CNTNAP5: variants seen among roughly 807,000 people sequenced by gnomAD.
The protein encoded by CNTNAP5 is contactin-associated protein-like 5.
CNTNAP5 carries 72 observed loss-of-function variants against 150.2 expected under a neutral mutation model. The observed-to-expected ratio is 0.48, with a 90% CI of 0.40 to 0.58. The LOEUF is 0.58. Ranked by LOEUF, CNTNAP5 falls within the 20% of genes least tolerant of loss-of-function variation. The pLI is 0.00. For missense variants in CNTNAP5, 1,636 were observed against 1,626.2 expected (o/e 1.01, Z -0.10); for synonymous variants, 672 against 619.8 (o/e 1.08, Z -1.25).
intron 10 of CNTNAP5, among the ~76,000 whole-genome samples, chr2:124,533,100 A>G (rs1573441401): frequency 6.6e-6 from 1 of 151,458 alleles, no homozygotes; most frequent in Admixed American, 6.6e-5. Context: ...TTTTCAGAAG[A>G]CCTGCCATGG....
intron 1 of CNTNAP5, among the ~76,000 whole-genome samples, chr2:124,055,090 A>C (rs1382606679): frequency 6.6e-6 from 1 of 152,202 alleles, no homozygotes; most frequent in Admixed American, 6.5e-5. Context: ...AAGATTACAC[A>C]TACTGTATGT....
intron 11 of CNTNAP5, among the ~76,000 whole-genome samples, chr2:124,605,804 T>C (rs1697091656): frequency 1.4e-5 from 1 of 71,944 alleles, no homozygotes; most frequent in Non-Finnish European, 2.4e-5. Flanking sequence ...CGAGCAAGAC[T>C]CTGTCAAAAA....
chr2:124,886,856 G>A (rs1247709008), intron 21 of CNTNAP5, among the ~76,000 whole-genome samples: 1 of 151,910 alleles, frequency 6.6e-6, no homozygotes, highest in East Asian at 1.9e-4. Context: ...ACATGTCCTG[G>A]GCTTCCCATG....
At chr2:124,706,861 G>A (rs1679664715) in intron 13 of CNTNAP5, among the ~76,000 whole-genome samples, 1 of 135,106 alleles carries the variant, frequency 7.4e-6, no homozygotes, top group South Asian at 2.5e-4. Flanking sequence ...AGGAGGAGAA[G>A]GAGAAGGGGA....
chr2:124,278,420 C>T (rs562667911), intron 3 of CNTNAP5, among the ~76,000 whole-genome samples: 21 of 152,238 alleles, frequency 1.4e-4, no homozygotes, highest in South Asian at 6.2e-4. Context: ...TTATTCATTA[C>T]GCTCAGCTTT....
At chr2:124,638,239 G>GA (rs1558715156) in intron 12 of CNTNAP5, among the ~76,000 whole-genome samples, 1 of 147,306 alleles carries the variant, frequency 6.8e-6, no homozygotes, top group Non-Finnish European at 1.5e-5. Context: ...ACATATATAT[G>GA]TAACTTCTCT....
intron 1 of CNTNAP5, among the ~76,000 whole-genome samples, chr2:124,208,602 T>C (rs183970337): frequency 6.6e-6 from 1 of 152,070 alleles, no homozygotes; most frequent in African/African-American, 2.4e-5. Flanking sequence ...AGCAGAGACA[T>C]CCATCATGGA....
At chr2:124,671,645 T>C (rs770558790) in intron 13 of CNTNAP5, among the ~76,000 whole-genome samples, 1 of 152,128 alleles carries the variant, frequency 6.6e-6, no homozygotes, top group Non-Finnish European at 1.5e-5. Context: ...TATTTTTAGT[T>C]ATTTATATTT....
At chr2:124,210,385 G>T (rs186287443) in intron 1 of CNTNAP5, among the ~76,000 whole-genome samples, 1 of 152,134 alleles carries the variant, frequency 6.6e-6, no homozygotes, top group African/African-American at 2.4e-5. Flanking sequence ...CAGTTCTTCA[G>T]GATAACAAAA....
Position 124,188,716 on chromosome 2 carries a change from C to CAAAAAAAAAA in CNTNAP5, c.83-32976_83-32967dup, listed in dbSNP as rs70996047. ...CCTGGGTGACAGCGAGACTCTGTCT[C>CAAAAAAAAAA]AAAAAAAAAAAAAAAAAAAAAAGAC... On this transcript the variant is annotated intron_variant, in intron 1 of 23. Transcript: ENST00000682447. Among the ~76,000 whole-genome samples, 71 of 73,050 alleles carry CAAAAAAAAAA rather than the reference C, an allele frequency of 9.7e-4. 3 individuals carry two copies. The highest frequency in any genetic ancestry group is 1.3e-3 in the Non-Finnish European group (53 of 42,162). The allele number at this position is 73,050 out of a possible 152,430, so 47.9% of individuals were successfully genotyped here. A position where few individuals can be genotyped will look rare whatever the true frequency, so the allele number is the denominator to read the frequency against.
chr2:124,272,244 T>G (rs1210494291), intron 3 of CNTNAP5, among the ~76,000 whole-genome samples: 1 of 152,210 alleles, frequency 6.6e-6, no homozygotes, highest in African/African-American at 2.4e-5. Flanking sequence ...TCCCAATTCC[T>G]GATCTGGACT....
intron 13 of CNTNAP5, among the ~76,000 whole-genome samples, chr2:124,685,733 AAAGT>A (rs1336004417): frequency 2.8e-5 from 4 of 141,602 alleles, no homozygotes; most frequent in Non-Finnish European, 6.2e-5. Flanking sequence ...CCCAATATCT[AAAGT>A]AAGTGTGTGT....
chr2:124,278,442 A>T (rs531734213), intron 3 of CNTNAP5, among the ~76,000 whole-genome samples: 2 of 152,274 alleles, frequency 1.3e-5, no homozygotes, highest in Admixed American at 6.5e-5. Context: ...TATGGAAATG[A>T]CCAAATCTTA....
intron 19 of CNTNAP5, among the ~76,000 whole-genome samples, chr2:124,832,843 T>G (rs1234288497): frequency 6.6e-6 from 1 of 152,066 alleles, no homozygotes; most frequent in Non-Finnish European, 1.5e-5. Context: ...ACTCTGCAGG[T>G]TAACTCTATA....
chr2:124,563,402 G>A (rs1695938858), intron 11 of CNTNAP5, 79 bp downstream of exon 11: 1 of 815,222 alleles, frequency 1.2e-6, no homozygotes, highest in Non-Finnish European at 2.0e-6. Context: ...GATGTATTTA[G>A]CATGGGGCAG....
chr2:124,645,976 C>A (rs2105025686), intron 12 of CNTNAP5, among the ~76,000 whole-genome samples: 1 of 152,240 alleles, frequency 6.6e-6, no homozygotes, highest in Non-Finnish European at 1.5e-5. Context: ...AAGACAGCAC[C>A]AAGCCATGAG....
chr2:124,206,742 A>G (rs1187187664), intron 1 of CNTNAP5, among the ~76,000 whole-genome samples: 2 of 152,174 alleles, frequency 1.3e-5, no homozygotes, highest in Non-Finnish European at 2.9e-5. Context: ...TGCTCACAAT[A>G]AAGTTTGAGA....
At chr2:124,295,862 TTTGA>T (rs1326129571) in intron 3 of CNTNAP5, among the ~76,000 whole-genome samples, 1 of 152,206 alleles carries the variant, frequency 6.6e-6, no homozygotes, top group Non-Finnish European at 1.5e-5. Flanking sequence ...TCATTCTGAC[TTTGA>T]TTGATTTTCA....
chr2:124,359,104 A>G (rs919035934), intron 3 of CNTNAP5, among the ~76,000 whole-genome samples: 2 of 152,018 alleles, frequency 1.3e-5, no homozygotes, highest in Admixed American at 1.3e-4. Context: ...AGGTGTTTGT[A>G]GTATTCTCTG....
Sources: gnomAD v4.1 joint callset for allele counts (sites outside exome capture counted in the v4.1 genomes callset) on GRCh38, gnomAD v4.1.1 for gene constraint, MANE v1.5 for transcripts, NCBI Gene and HGNC (gene_info 2026-07-23, HGNC 2026-07-21) for gene names.